VPS13B: variants seen among roughly 807,000 people sequenced by gnomAD.
The protein encoded by VPS13B is intermembrane lipid transfer protein VPS13B.
Under a neutral mutation model 426.4 loss-of-function variants are expected in VPS13B, and 285 were observed. The observed-to-expected ratio is 0.67, with a 90% CI of 0.61 to 0.74. The LOEUF (loss-of-function observed/expected upper bound fraction) is 0.74, where lower values mean the gene tolerates loss of function less well. VPS13B is among the 30% of genes least tolerant of loss of function. The pLI is 0.00. For missense variants in VPS13B, 4,537 were observed against 4,782.6 expected, an observed-to-expected ratio of 0.95 and a Z score of 1.51; for synonymous variants, 1,676 against 1,676.4, an observed-to-expected ratio of 1.00 and a Z score of 0.01.
chr8:99,297,533 G>T lies in VPS13B; in HGVS notation c.2824+22279G>T, dbSNP rs1014210077. Among the ~76,000 whole-genome samples, 7 of 45,100 alleles carry T rather than the reference G, an allele frequency of 1.6e-4. No homozygotes were observed. In the East Asian group the frequency reaches 2.3e-3, roughly 15 times the overall value. The allele number at this position is 45,100 out of a possible 152,430, so 29.6% of individuals were successfully genotyped here. ...CATATTGAGTAATATGTAAAATCAT[G>T]TGCTAATTCTTTTCTTCCTTTTTTC... On this transcript the variant is annotated intron_variant, in intron 19 of 61. Transcript: ENST00000357162.
chr8:99,293,744 C>T (rs891522274), intron 19 of VPS13B, among the ~76,000 whole-genome samples: 2 of 152,160 alleles, frequency 1.3e-5, no homozygotes, highest in African/African-American at 2.4e-5. Context: ...TGAACAGACA[C>T]TTCTCAAAAG....
At chr8:99,277,625 T>G (rs1314197038) in intron 19 of VPS13B, among the ~76,000 whole-genome samples, 1 of 152,196 alleles carries the variant, frequency 6.6e-6, no homozygotes, top group Non-Finnish European at 1.5e-5. Flanking sequence ...CTGACCACTG[T>G]ATCTAAATTT....
chr8:99,349,349 A>G (rs866628558), intron 19 of VPS13B, among the ~76,000 whole-genome samples: 2 of 149,322 alleles, frequency 1.3e-5, no homozygotes, highest in Non-Finnish European at 3.0e-5. Flanking sequence ...AAAAAAAAAA[A>G]AAAAAAGAAA....
At chr8:99,360,305 TCTCA>T (rs1364822105) in intron 19 of VPS13B, among the ~76,000 whole-genome samples, 2 of 147,194 alleles carry the variant, frequency 1.4e-5, no homozygotes, top group African/African-American at 5.1e-5. Flanking sequence ...TGTTATGGAG[TCTCA>T]CTCTGTCACC....
intron 41 of VPS13B, among the ~76,000 whole-genome samples, 191 bp from the exon 42 acceptor site, chr8:99,778,490 CA>C (rs1045845413): frequency 2.6e-5 from 4 of 152,110 alleles, no homozygotes; most frequent in African/African-American, 9.7e-5. Flanking sequence ...TTGAACAAAA[CA>C]GTTTTGTTTT....
chr8:99,314,339 A>G (rs1348442363), intron 19 of VPS13B, among the ~76,000 whole-genome samples: 1 of 152,122 alleles, frequency 6.6e-6, no homozygotes, highest in Non-Finnish European at 1.5e-5. Flanking sequence ...GTGTCATAAC[A>G]TGTGATCTAC....
At chr8:99,619,877 A>AATG (rs985725642) in intron 33 of VPS13B, among the ~76,000 whole-genome samples, 7 of 141,256 alleles carry the variant, frequency 5.0e-5, no homozygotes, top group South Asian at 2.2e-4. Flanking sequence ...CCTGTCTCAA[A>AATG]ATGATGATGA....
intron 19 of VPS13B, among the ~76,000 whole-genome samples, chr8:99,337,231 G>T (rs555375945): frequency 6.6e-6 from 1 of 152,066 alleles, no homozygotes; most frequent in South Asian, 2.1e-4. Flanking sequence ...GATGAAATTG[G>T]AAATCATCAT....
At chr8:99,540,446 C>T (rs1823554109) in intron 30 of VPS13B, among the ~76,000 whole-genome samples, 1 of 152,022 alleles carries the variant, frequency 6.6e-6, no homozygotes, top group African/African-American at 2.4e-5. Context: ...AATTCATCAC[C>T]AGCTAAATTG....
At chr8:99,858,326 C>T (rs1816657956) in intron 56 of VPS13B, among the ~76,000 whole-genome samples, 2 of 152,250 alleles carry the variant, frequency 1.3e-5, no homozygotes, top group Admixed American at 6.5e-5. Flanking sequence ...CCACGCACAG[C>T]CGCGTTCCCA....
intron 17 of VPS13B, among the ~76,000 whole-genome samples, chr8:99,269,377 TA>T (rs1818460376): frequency 2.0e-5 from 3 of 152,356 alleles, no homozygotes; most frequent in Admixed American, 1.3e-4. Flanking sequence ...GAATACTTTA[TA>T]AAGCATTTTT....
intron 15 of VPS13B, among the ~76,000 whole-genome samples, chr8:99,160,797 G>A (rs1683946848): frequency 1.3e-5 from 2 of 152,048 alleles, no homozygotes; most frequent in Admixed American, 6.5e-5. Flanking sequence ...TATCTGTAAC[G>A]CAAAAATAAA....
rs532150061 is a variant in VPS13B at position 99,442,822 on chromosome 8, T to G, written c.3445+187T>G. On this transcript the variant is annotated intron_variant, in intron 23 of 61. Transcript: ENST00000357162. ...CATACCTTTTAATCTTAGTCATATA[T>G]TCACATATGTTATCTGTAAAAGATC... is the stretch of plus-strand genomic sequence containing the variant. Among the ~76,000 whole-genome samples the G allele has an allele frequency of 9.7e-4, 147 of 152,140 alleles. 1 individual carries two copies. The highest frequency in any genetic ancestry group is 2.0e-3 in the Non-Finnish European group (135 of 68,010).
At chr8:99,732,198 T>C (rs1277378417) in intron 39 of VPS13B, among the ~76,000 whole-genome samples, 4 of 152,110 alleles carry the variant, frequency 2.6e-5, no homozygotes. Flanking sequence ...AAAATAGAAG[T>C]TTATTTCCTT....
At chr8:99,289,092 AAAG>A (rs1819592666) in intron 19 of VPS13B, among the ~76,000 whole-genome samples, 1 of 152,032 alleles carries the variant, frequency 6.6e-6, no homozygotes, top group African/African-American at 2.4e-5. Flanking sequence ...GGAAAGAAAG[AAAG>A]AAAAAGAAAG....
intron 2 of VPS13B, among the ~76,000 whole-genome samples, chr8:99,027,853 A>C (rs1212823443): frequency 6.6e-6 from 1 of 152,024 alleles, no homozygotes; most frequent in Non-Finnish European, 1.5e-5. Flanking sequence ...ACAAGTGAAC[A>C]AAGGTCTCTG....
chr8:99,524,696 G>C (rs1329200507), intron 30 of VPS13B, among the ~76,000 whole-genome samples: 26 of 152,170 alleles, frequency 1.7e-4, no homozygotes, highest in Non-Finnish European at 3.8e-4. Context: ...TGCAATCTGA[G>C]ATGGAAGAAT....
At chr8:99,612,777 A>G (rs941769309) in intron 33 of VPS13B, among the ~76,000 whole-genome samples, 1 of 152,226 alleles carries the variant, frequency 6.6e-6, no homozygotes, top group Non-Finnish European at 1.5e-5. Flanking sequence ...GGGACACTCC[A>G]TATTATTCTG....
At chr8:99,817,440 T>C in intron 44 of VPS13B, 100 bp from the exon 45 acceptor site, 2 of 1,449,398 alleles carry the variant, frequency 1.4e-6, no homozygotes, top group Admixed American at 1.8e-5. Context: ...TCATTTTCTT[T>C]CCATTAACAT....
Sources: gnomAD v4.1 joint callset for allele counts (sites outside exome capture counted in the v4.1 genomes callset) on GRCh38, gnomAD v4.1.1 for gene constraint, MANE v1.5 for transcripts, NCBI Gene and HGNC (gene_info 2026-07-23, HGNC 2026-07-21) for gene names.